Variants in OGDH observed in about 807,000 individuals in gnomAD.
OGDH encodes 2-oxoglutarate dehydrogenase complex component E1.
OGDH carries 38 observed loss-of-function variants against 116.6 expected under a neutral mutation model. The observed-to-expected ratio is 0.33, with a 90% CI of 0.25 to 0.43. OGDH has a LOEUF of 0.43. OGDH is among the 20% of genes least tolerant of loss of function. The probability of loss-of-function intolerance (pLI) is 1.00; values close to 1 mark genes in which losing one functional copy is unlikely to be tolerated. For missense variants in OGDH, 825 were observed against 1,357.2 expected (o/e 0.61, Z 6.16); for synonymous variants, 488 against 533.3 (o/e 0.92, Z 1.17).
intron 5 of OGDH, among the ~76,000 whole-genome samples, chr7:44,667,754 A>G (rs1358635147): frequency 6.6e-6 from 1 of 152,172 alleles, no homozygotes; most frequent in Admixed American, 6.6e-5. Flanking sequence ...AGAGTTGGCT[A>G]TTACTGTTAC....
chr7:44,662,117 G>C (rs1053754915), intron 4 of OGDH, among the ~76,000 whole-genome samples: 6 of 152,138 alleles, frequency 3.9e-5, no homozygotes, highest in Non-Finnish European at 7.4e-5. Context: ...ATCAGACAGA[G>C]TTATAAGTTT....
At chr7:44,663,391 G>C (rs889849472) in intron 4 of OGDH, among the ~76,000 whole-genome samples, 1 of 152,216 alleles carries the variant, frequency 6.6e-6, no homozygotes, top group Non-Finnish European at 1.5e-5. Flanking sequence ...TAAGCACTTT[G>C]GGAGACCAAG....
chr7:44,696,776 TCA>T (rs1271041789), intron 14 of OGDH, 136 bp from the exon 15 acceptor site: 3 of 1,250,436 alleles, frequency 2.4e-6, no homozygotes, highest in Non-Finnish European at 3.3e-6. Context: ...GAGACTGAGG[TCA>T]CAGCTTTTCC....
chr7:44,615,540 A>G (rs56206842), intron 1 of OGDH, among the ~76,000 whole-genome samples: 69,922 of 151,978 alleles, frequency 0.46, 16,214 homozygotes, highest in East Asian at 0.6. Context: ...GAGTGAGGAT[A>G]TTTCCTGTGG....
chr7:44,632,944 G>A (rs1337156707), intron 2 of OGDH, among the ~76,000 whole-genome samples: 1 of 151,864 alleles, frequency 6.6e-6, no homozygotes, highest in Non-Finnish European at 1.5e-5. Flanking sequence ...AAATTGAAAG[G>A]GGAGAGAGAT....
chr7:44,681,625 A>T, intron 9 of OGDH, 95 bp from the exon 10 acceptor site: 4 of 1,500,032 alleles, frequency 2.7e-6, no homozygotes, highest in Non-Finnish European at 3.6e-6. Context: ...TCAAAACGTT[A>T]TTTTTTGAAA....
intron 2 of OGDH, among the ~76,000 whole-genome samples, chr7:44,631,882 A>G (rs1785456836): frequency 6.6e-6 from 1 of 151,796 alleles, no homozygotes. Context: ...CTTAAAAAGA[A>G]AAATAAATAA....
intron 4 of OGDH, among the ~76,000 whole-genome samples, chr7:44,657,266 A>G (rs1206422260): frequency 6.6e-6 from 1 of 152,114 alleles, no homozygotes; most frequent in Non-Finnish European, 1.5e-5. Flanking sequence ...CCCAGCCACT[A>G]CTTGTATTCC....
chr7:44,707,098 G>T lies in OGDH; in HGVS notation c.2633-127G>T. On this transcript the variant is annotated intron_variant, in intron 20 of 22. Transcript: ENST00000222673. This position sits in a 1 kb window ranked among gnomAD's most constrained non-coding sequence, Gnocchi z 5.2. ...ATACAGGGCATCAGAGGCTGGTGAA[G>T]GGGAAGCATCTCTAACCCTTGAAAG... 1.1e-6 allele frequency: 1 copy of T among 931,950 alleles called. No individual in the cohort carries two copies. Among genetic ancestry groups the T allele is most frequent in the African/African-American group, 1.7e-5 (1 of 60,256 alleles). The allele number at this position is 931,950 out of a possible 1,614,324, so 57.7% of individuals were successfully genotyped here.
chr7:44,617,716 A>C lies in OGDH; in HGVS notation c.-27-6601A>C, dbSNP rs149149395. On this transcript the variant is annotated intron_variant, in intron 1 of 22. Coordinates refer to ENST00000222673, the MANE Select transcript of OGDH (RefSeq NM_002541.4). ...TGATTCATCAGAAGAATTGAGTCTG[A>C]AACTGAAAAAAAGAAAGTGGATGAG... 3.1e-3 allele frequency among the ~76,000 whole-genome samples: 478 copies of C among 152,336 alleles called. 4 individuals are homozygous for C. The highest frequency in any genetic ancestry group is 0.011 in the African/African-American group (447 of 41,572).
intron 2 of OGDH, among the ~76,000 whole-genome samples, chr7:44,642,560 C>T (rs1785991982): frequency 6.6e-6 from 1 of 152,186 alleles, no homozygotes; most frequent in Non-Finnish European, 1.5e-5. Context: ...CTGTCTTCTA[C>T]ATCAGACAAT....
Position 44,707,332 on chromosome 7 carries a change from C to T in OGDH, c.2740C>T (p.Arg914Trp). Residue 914 changes from arginine to tryptophan, a missense_variant, in exon 21 of 23, where the codon CGG becomes TGG. Transcript: ENST00000222673. This position sits in a 1 kb window ranked among gnomAD's most constrained non-coding sequence, Gnocchi z 5.2. ...CTGKVYYDLT[R>W]ERKARDMVGQ... is the part of the protein sequence containing the mutation. ...CGGCAAAGTGTATTATGACCTCACC[C>T]GGGAGCGCAAAGCACGCGACATGGT... 2.5e-6 allele frequency: 4 copies of T among 1,614,236 alleles called. No homozygotes were observed. The highest frequency in any genetic ancestry group is 3.4e-6 in the Non-Finnish European group (4 of 1,180,040).
chr7:44,634,089 T>G (rs775227005), intron 2 of OGDH, among the ~76,000 whole-genome samples: 11 of 152,232 alleles, frequency 7.2e-5, no homozygotes, highest in Non-Finnish European at 1.2e-4. Context: ...GCCAGCTCCC[T>G]TGGAGCTGAG....
chr7:44,650,431 A>G (rs1786386964), intron 4 of OGDH, among the ~76,000 whole-genome samples: 1 of 152,078 alleles, frequency 6.6e-6, no homozygotes, highest in African/African-American at 2.4e-5. Context: ...GTGCCTCATC[A>G]CCTCATCTGT....
rs1789195321 is a variant in OGDH at position 44,708,703 on chromosome 7, G to A, written c.*704G>A. ...CTGGAGCCCACAGAGTCTGTGTGTA[G>A]CCAGGAAGCCCCGCTCAGGTAGCCA... On this transcript the variant is annotated 3_prime_UTR_variant, in exon 23 of 23. Coordinates refer to ENST00000222673, the MANE Select transcript of OGDH (RefSeq NM_002541.4). 6.6e-6 allele frequency: 1 copy of A among 152,262 alleles called. No homozygotes were observed. Among genetic ancestry groups the A allele is most frequent in the Non-Finnish European group, 1.5e-5 (1 of 68,080 alleles). The allele number at this position is 152,262 out of a possible 1,614,324, so 9.4% of individuals were successfully genotyped here.
chr7:44,701,718 C>A, intron 20 of OGDH, 103 bp downstream of exon 20: 1 of 1,156,854 alleles, frequency 8.6e-7, no homozygotes, highest in Non-Finnish European at 1.3e-6. Flanking sequence ...GTGATTCTCA[C>A]TGGCTCTTGC....
Position 44,700,241 on chromosome 7 carries a change from G to A in OGDH, c.2531G>A (p.Arg844His), listed in dbSNP as rs1412854554. 1.2e-6 allele frequency: 2 copies of A among 1,614,168 alleles called. No homozygotes were observed. The highest frequency in any genetic ancestry group is 1.7e-6 in the Non-Finnish European group (2 of 1,180,024). The change falls in exon 19 of 23, where the codon CGC (arginine) becomes CAC (histidine). Residue 844 changes from arginine (R) to histidine (H), a missense_variant. Coordinates refer to ENST00000222673, the MANE Select transcript of OGDH (RefSeq NM_002541.4). ...TPGNFFHVLR[R>H]QILLPFRKPL... The stretch of plus-strand genomic sequence containing the variant: ...GGCAACTTCTTCCACGTGCTACGAC[G>A]CCAGATCCTGCTGCCATTCCGGAAG...
At chr7:44,699,383 C>T (rs991890323) in intron 18 of OGDH, among the ~76,000 whole-genome samples, 1 of 147,946 alleles carries the variant, frequency 6.8e-6, no homozygotes, top group Admixed American at 6.8e-5. Context: ...CAAGATTGCG[C>T]CACTGCACTC....
intron 5 of OGDH, among the ~76,000 whole-genome samples, chr7:44,671,010 CAAAAAAAA>C (rs111818473): frequency 1.6e-4 from 11 of 68,620 alleles, no homozygotes; most frequent in South Asian, 8.4e-4. Context: ...GACTCCATCT[CAAAAAAAA>C]AAAAAAAAAA....
Sources: gnomAD v4.1 joint callset for allele counts (sites outside exome capture counted in the v4.1 genomes callset) on GRCh38, gnomAD v4.1.1 for gene constraint, Gnocchi (gnomAD v3.1) non-coding constraint, MANE v1.5 for transcripts, NCBI Gene and HGNC (gene_info 2026-07-23, HGNC 2026-07-21) for gene names.